Variants in CPEB3 observed in about 807,000 individuals in gnomAD.
CPEB3 encodes the protein cytoplasmic polyadenylation element binding protein 3, also known as cytoplasmic polyadenylation element-binding protein 3.
Under a neutral mutation model 67.2 loss-of-function variants are expected in CPEB3, and 20 were observed. The observed-to-expected ratio is 0.30, with a 90% CI of 0.21 to 0.43. CPEB3 has a LOEUF of 0.43. Ranked by LOEUF, CPEB3 falls within the 20% of genes least tolerant of loss-of-function variation. The pLI, the probability that CPEB3 is intolerant of heterozygous loss-of-function variation, is 1.00. For synonymous variants in CPEB3, 376 were observed against 393.1 expected (o/e 0.96, Z 0.51); for missense variants, 746 against 968.6 (o/e 0.77, Z 3.05).
At chr10:92,202,643 T>C (rs532326058) in intron 2 of CPEB3, among the ~76,000 whole-genome samples, 26 of 151,952 alleles carry the variant, frequency 1.7e-4, no homozygotes, top group African/African-American at 6.0e-4. Context: ...TGATATTTCA[T>C]TTATATGTAA....
chr10:92,094,808 G>GAC (rs10654734), intron 7 of CPEB3, among the ~76,000 whole-genome samples: 33,883 of 145,662 alleles, frequency 0.23, 3,971 homozygotes, highest in African/African-American at 0.31. Flanking sequence ...AGATTCTAAT[G>GAC]ACACACACAC....
intron 3 of CPEB3, among the ~76,000 whole-genome samples, chr10:92,188,117 G>A (rs1040475939): frequency 6.6e-6 from 1 of 151,874 alleles, no homozygotes; most frequent in Middle Eastern, 3.2e-3. Context: ...GACTGCTTGA[G>A]CCTGGGAGGT....
intron 9 of CPEB3, among the ~76,000 whole-genome samples, chr10:92,063,244 A>G (rs1394883828): frequency 6.6e-6 from 1 of 152,242 alleles, no homozygotes; most frequent in Non-Finnish European, 1.5e-5. Context: ...AAGTAAATAA[A>G]GCAATGGCTA....
At chr10:92,136,501 A>G (rs1188446716) in intron 6 of CPEB3, among the ~76,000 whole-genome samples, 2 of 152,168 alleles carry the variant, frequency 1.3e-5, no homozygotes, top group Non-Finnish European at 2.9e-5. Context: ...AAAAAAACTA[A>G]TAATCTGATT....
chr10:92,259,672 T>C (rs918263083), intron 1 of CPEB3, among the ~76,000 whole-genome samples: 1 of 152,190 alleles, frequency 6.6e-6, no homozygotes, highest in African/African-American at 2.4e-5. Flanking sequence ...GTTTACCTCT[T>C]CTGGCATATA....
chr10:92,073,423 G>A (rs1842827374), intron 9 of CPEB3, among the ~76,000 whole-genome samples: 1 of 152,066 alleles, frequency 6.6e-6, no homozygotes, highest in Non-Finnish European at 1.5e-5. Context: ...GGAGGCCAAG[G>A]TGGGTGGATC....
chr10:92,220,333 A>T (rs776111881), intron 2 of CPEB3, among the ~76,000 whole-genome samples: 1 of 152,212 alleles, frequency 6.6e-6, no homozygotes, highest in Non-Finnish European at 1.5e-5. Context: ...TTAATTTGGC[A>T]AATATTCAAA....
At chr10:92,130,940 T>C (rs1468839753) in intron 6 of CPEB3, among the ~76,000 whole-genome samples, 2 of 152,156 alleles carry the variant, frequency 1.3e-5, no homozygotes, top group Non-Finnish European at 1.5e-5. Flanking sequence ...TAAGAAAAAT[T>C]ATTATCAGCA....
chr10:92,178,716 C>T (rs561150078), intron 4 of CPEB3, among the ~76,000 whole-genome samples: 5 of 152,088 alleles, frequency 3.3e-5, no homozygotes, highest in African/African-American at 1.2e-4. Context: ...AAAAAGAAGA[C>T]AAAAATAATA....
intron 8 of CPEB3, among the ~76,000 whole-genome samples, chr10:92,083,034 G>A (rs1014729190): frequency 2.0e-5 from 3 of 152,172 alleles, no homozygotes; most frequent in Non-Finnish European, 2.9e-5. Flanking sequence ...GGAAAGCCAA[G>A]CATTACTGGT....
chr10:92,192,394 C>A, intron 3 of CPEB3, 83 bp downstream of exon 3: 1 of 1,352,538 alleles, frequency 7.4e-7, no homozygotes, highest in Middle Eastern at 1.9e-4. Flanking sequence ...AAACAAAAAA[C>A]AAACCAGAAA....
At chr10:92,091,022 T>C (rs1843594644) in intron 8 of CPEB3, among the ~76,000 whole-genome samples, 1 of 152,352 alleles carries the variant, frequency 6.6e-6, no homozygotes, top group Admixed American at 6.5e-5. Context: ...GTTACAAATG[T>C]TGAGGAACTT....
At chr10:92,088,305 A>G (rs1474021222) in intron 8 of CPEB3, among the ~76,000 whole-genome samples, 1 of 145,744 alleles carries the variant, frequency 6.9e-6, no homozygotes, top group Non-Finnish European at 1.5e-5. Flanking sequence ...AGCTCACTGC[A>G]GCCCCGAGCT....
intron 2 of CPEB3, among the ~76,000 whole-genome samples, chr10:92,220,594 A>C (rs1850650186): frequency 6.6e-6 from 1 of 151,214 alleles, no homozygotes. Context: ...AAAAAAAAAA[A>C]CCTCCTTCCA....
chr10:92,160,912 C>T (rs371291574), intron 4 of CPEB3, among the ~76,000 whole-genome samples: 12 of 152,176 alleles, frequency 7.9e-5, no homozygotes, highest in East Asian at 5.8e-4. Context: ...TTTTTTGAGA[C>T]GGGGTCTCAC....
At chr10:92,238,891 A>G (rs1247990817) in intron 2 of CPEB3, among the ~76,000 whole-genome samples, 4 of 152,202 alleles carry the variant, frequency 2.6e-5, no homozygotes, top group Admixed American at 2.0e-4. Flanking sequence ...CCTCTTTAAG[A>G]GTAAAGTCAG....
At chr10:92,060,974 A>G (rs1842321350) in intron 9 of CPEB3, among the ~76,000 whole-genome samples, 1 of 152,222 alleles carries the variant, frequency 6.6e-6, no homozygotes, top group African/African-American at 2.4e-5. Flanking sequence ...AGAAAAGTAA[A>G]AATTGAGCTA....
rs61736268 is a variant in CPEB3 at position 92,216,511 on chromosome 10, T to A, written c.1005+22835A>T. The stretch of plus-strand genomic sequence containing the variant: ...AGAAAGCGGTGAAGCAGAAGCAGAT[T>A]CGGCGCGGGGTGAAAGAGGTTCAGA... On this transcript the variant is annotated intron_variant, in intron 2 of 9. Coordinates refer to ENST00000265997, the MANE Select transcript of CPEB3 (RefSeq NM_014912.5). 0.02 allele frequency: 32,496 copies of A among 1,612,790 alleles called. 5,453 individuals are homozygous for A. In the African/African-American group the frequency reaches 0.37, roughly 19 times the overall value.
At chr10:92,067,293 G>A (rs1457199564) in intron 9 of CPEB3, among the ~76,000 whole-genome samples, 1 of 151,820 alleles carries the variant, frequency 6.6e-6, no homozygotes, top group Non-Finnish European at 1.5e-5. Flanking sequence ...CTGAGGTCAG[G>A]AGTTCGAGAC....
Sources: allele counts gnomAD v4.1 joint callset (sites outside exome capture counted in the v4.1 genomes callset), GRCh38; gene constraint gnomAD v4.1.1; transcripts MANE v1.5; gene names NCBI Gene and HGNC (gene_info 2026-07-23, HGNC 2026-07-21).